SPMIP7: variants seen among roughly 807,000 people sequenced by gnomAD.
The protein encoded by SPMIP7 is protein SPMIP7.
chr7:50,101,951 C>T, the SPMIP7 span, among the ~76,000 whole-genome samples: 8 of 152,202 alleles, frequency 5.3e-5, no homozygotes, highest in Non-Finnish European at 1.0e-4. Context: ...AAGTGAAACC[C>T]GTTAATCACA....
chr7:50,119,862 G>A, the SPMIP7 span, among the ~76,000 whole-genome samples: 6 of 152,284 alleles, frequency 3.9e-5, no homozygotes, highest in East Asian at 1.9e-4. Context: ...GTAAGGTCTC[G>A]TTCCACTGAA....
At chr7:50,149,755 G>A in the SPMIP7 span, among the ~76,000 whole-genome samples, 145 of 152,328 alleles carry the variant, frequency 9.5e-4, no homozygotes, top group African/African-American at 3.3e-3. Flanking sequence ...ACAGCTGGAA[G>A]AGAATTAGGA....
At chr7:50,124,547 C>G in the SPMIP7 span, among the ~76,000 whole-genome samples, 1 of 152,114 alleles carries the variant, frequency 6.6e-6, no homozygotes, top group South Asian at 2.1e-4. Flanking sequence ...CTAGCCAACA[C>G]AGAGTCAAAT....
the SPMIP7 span, among the ~76,000 whole-genome samples, chr7:50,115,524 C>T: frequency 6.6e-6 from 1 of 152,088 alleles, no homozygotes; most frequent in Non-Finnish European, 1.5e-5. Flanking sequence ...ATATCAAACA[C>T]ATCAAATGAA....
At chr7:50,115,030 CAA>C in the SPMIP7 span, among the ~76,000 whole-genome samples, 533 of 113,618 alleles carry the variant, frequency 4.7e-3, 1 homozygote, top group African/African-American at 0.015. Flanking sequence ...ATTCTGTCTC[CAA>C]AAAAAAAAAA....
chr7:50,119,267 T>A, the SPMIP7 span, among the ~76,000 whole-genome samples: 2 of 152,100 alleles, frequency 1.3e-5, 1 homozygote, highest in Admixed American at 1.3e-4. Flanking sequence ...TGTATACCTG[T>A]TTGAGAATTG....
chr7:50,137,651 A>G, the SPMIP7 span, among the ~76,000 whole-genome samples: 1 of 152,144 alleles, frequency 6.6e-6, no homozygotes, highest in Non-Finnish European at 1.5e-5. Context: ...GGCTCCCATT[A>G]CTGCACATCA....
chr7:50,112,157 C>G, the SPMIP7 span, among the ~76,000 whole-genome samples: 1 of 151,154 alleles, frequency 6.6e-6, no homozygotes, highest in East Asian at 1.9e-4. Context: ...TAACAAAGGA[C>G]GTTGAATAAA....
the SPMIP7 span, chr7:50,096,007 C>A: frequency 1.1e-6 from 1 of 893,580 alleles, no homozygotes; most frequent in Non-Finnish European, 1.6e-6. Flanking sequence ...TAGTTATTGG[C>A]AATAGAGTTT....
the SPMIP7 span, among the ~76,000 whole-genome samples, chr7:50,157,017 C>T: frequency 6.6e-6 from 1 of 152,222 alleles, no homozygotes; most frequent in Non-Finnish European, 1.5e-5. Flanking sequence ...AAGTGACATG[C>T]TCCTGCCTGC....
At chr7:50,106,623 A>G in the SPMIP7 span, among the ~76,000 whole-genome samples, 4 of 152,234 alleles carry the variant, frequency 2.6e-5, no homozygotes, top group Non-Finnish European at 5.9e-5. Flanking sequence ...TGTTCATCAC[A>G]TAATTAACAT....
the SPMIP7 span, among the ~76,000 whole-genome samples, chr7:50,125,411 A>ATACACATATATATACAT: frequency 2.8e-5 from 1 of 36,166 alleles, no homozygotes; most frequent in African/African-American, 1.3e-4. Flanking sequence ...TATATATATA[A>ATACACATATATATACAT]AGAAACTAGA....
chr7:50,121,801 T>C, the SPMIP7 span, among the ~76,000 whole-genome samples: 2 of 150,304 alleles, frequency 1.3e-5, no homozygotes. Context: ...TTACAGGCAC[T>C]TGCCATCATG....
the SPMIP7 span, among the ~76,000 whole-genome samples, chr7:50,110,960 A>C: frequency 7.1e-6 from 1 of 141,516 alleles, no homozygotes. Flanking sequence ...TATATTTATA[A>C]TATGTAAACC....
chr7:50,107,288 G>A, the SPMIP7 span, among the ~76,000 whole-genome samples: 103 of 148,708 alleles, frequency 6.9e-4, no homozygotes, highest in African/African-American at 2.3e-3. Flanking sequence ...CCCAGGAGGC[G>A]GAGGTTGCAG....
chr7:50,132,395 C>T, the SPMIP7 span, among the ~76,000 whole-genome samples: 1 of 152,108 alleles, frequency 6.6e-6, no homozygotes. Context: ...GTGATCATCT[C>T]AGAAACAGTT....
chr7:50,147,773 A>T, the SPMIP7 span, among the ~76,000 whole-genome samples: 1 of 152,208 alleles, frequency 6.6e-6, no homozygotes, highest in Non-Finnish European at 1.5e-5. Context: ...AGACTTGGGC[A>T]ATAATATATT....
chr7:50,106,570 A>G, the SPMIP7 span, among the ~76,000 whole-genome samples: 1 of 152,238 alleles, frequency 6.6e-6, no homozygotes, highest in East Asian at 1.9e-4. Context: ...ATATTATCTT[A>G]TTAAACCTCA....
chr7:50,100,790 C>T, the SPMIP7 span, among the ~76,000 whole-genome samples: 17 of 142,754 alleles, frequency 1.2e-4, no homozygotes, highest in South Asian at 3.3e-3. Flanking sequence ...CCAGCCTTGG[C>T]GACAGAGTGA....
Sources: allele counts gnomAD v4.1 joint callset (sites outside exome capture counted in the v4.1 genomes callset), GRCh38; gene constraint gnomAD v4.1.1; transcripts MANE v1.5; gene names NCBI Gene and HGNC (gene_info 2026-07-23, HGNC 2026-07-21).